The following HOOK3 variants were observed in gnomAD, a reference collection of about 807,000 sequenced individuals.
The protein encoded by HOOK3 is protein Hook homolog 3.
Under a neutral mutation model 116.3 loss-of-function variants are expected in HOOK3, and 24 were observed. The observed-to-expected ratio is 0.21, with a 90% CI of 0.15 to 0.29. The LOEUF is 0.29. HOOK3 is among the 10% of genes least tolerant of loss of function. The pLI is 1.00. For synonymous variants in HOOK3, 275 were observed against 283.0 expected (o/e 0.97, Z 0.28); for missense variants, 632 against 830.2 (o/e 0.76, Z 2.93).
In HOOK3 at chr8:42,973,289, G is replaced by A; in HGVS notation, c.1123G>A (p.Val375Ile). 6.2e-7 allele frequency: 1 copy of A among 1,606,572 alleles called. No individual in the cohort carries two copies. Among genetic ancestry groups the A allele is most frequent in the African/African-American group, 1.3e-5 (1 of 74,452 alleles). The change falls in exon 12 of 22, where the codon GTA becomes ATA. Residue 375 changes from valine to isoleucine, a missense_variant and splice_region_variant. Physicochemically the swap from Val to Ile is conservative, Grantham distance 29 (BLOSUM62 3). This residue lies in a region of HOOK3 where 483 missense variants were observed against 648.1 expected (regional missense o/e 0.75). Coordinates refer to ENST00000307602, the MANE Select transcript of HOOK3 (RefSeq NM_032410.4). ...RSQLETYKRQ[V>I]VELQNRLSEE... ...AAGTAATGGTATCTTTCTGTATCAGGTAGTAGAACTACAAAACAGATTATC... is the reference window on the plus strand; with the variant it reads ...AAGTAATGGTATCTTTCTGTATCAGATAGTAGAACTACAAAACAGATTATC...
At chr8:42,995,323 A>T (rs761622298) in intron 15 of HOOK3, among the ~76,000 whole-genome samples, 1 of 152,204 alleles carries the variant, frequency 6.6e-6, no homozygotes, top group Non-Finnish European at 1.5e-5. Context: ...TCTTACTAAG[A>T]TAACTGGTCA....
intron 16 of HOOK3, chr8:43,000,253 G>A: frequency 1.6e-6 from 2 of 1,284,032 alleles, no homozygotes; most frequent in South Asian, 2.5e-5. Context: ...CTGTCTCTTG[G>A]CATGGTTTCT....
intron 21 of HOOK3, among the ~76,000 whole-genome samples, chr8:43,017,355 C>T (rs538654566): frequency 6.6e-6 from 1 of 152,324 alleles, no homozygotes; most frequent in East Asian, 1.9e-4. Context: ...CAGCCTCAAC[C>T]TCCTGGGCTC....
intron 15 of HOOK3, among the ~76,000 whole-genome samples, chr8:42,989,677 G>C (rs1273205795): frequency 6.6e-6 from 1 of 151,874 alleles, no homozygotes; most frequent in Non-Finnish European, 1.5e-5. Flanking sequence ...ACTTTGTTGC[G>C]CTAGGAAATA....
At chr8:43,012,408 C>G (rs1809630932) in intron 19 of HOOK3, among the ~76,000 whole-genome samples, 1 of 152,090 alleles carries the variant, frequency 6.6e-6, no homozygotes, top group African/African-American at 2.4e-5. Flanking sequence ...TACGGGACCA[C>G]CATCATATAT....
chr8:42,965,160 A>G (rs1201143786), intron 9 of HOOK3, among the ~76,000 whole-genome samples: 11 of 152,252 alleles, frequency 7.2e-5, no homozygotes, highest in Admixed American at 7.2e-4. Flanking sequence ...TTCACTGAAA[A>G]TCTGAAATGA....
chr8:43,000,195 C>T lies in HOOK3; in HGVS notation c.1621-1912C>T, dbSNP rs924757021. 51 of 895,994 alleles carry T rather than the reference C, an allele frequency of 5.7e-5. 1 individual carries two copies. In the Middle Eastern group the frequency reaches 1.5e-3, roughly 26 times the overall value. The allele number at this position is 895,994 out of a possible 1,614,324, so 55.5% of individuals were successfully genotyped here. A position where few individuals can be genotyped will look rare whatever the true frequency, so the allele number is the denominator to read the frequency against. ...TACTTCTGTTCATGAATTACTAAAT[C>T]GTTGCTTCTCTTGGCTGCTGTGTTT... is the stretch of plus-strand genomic sequence containing the variant. On this transcript the variant is annotated intron_variant, in intron 16 of 21. Transcript: ENST00000307602.
At chr8:42,998,619 T>C (rs1158617075) in intron 16 of HOOK3, among the ~76,000 whole-genome samples, 2 of 151,932 alleles carry the variant, frequency 1.3e-5, no homozygotes, top group African/African-American at 4.8e-5. Context: ...ATACTAGATA[T>C]AGAAAGCTCA....
chr8:42,948,012 G>A (rs1176228690), intron 5 of HOOK3, among the ~76,000 whole-genome samples: 3 of 152,106 alleles, frequency 2.0e-5, no homozygotes, highest in African/African-American at 7.2e-5. Context: ...TCAAATTGGG[G>A]CAAATAAAAT....
intron 2 of HOOK3, among the ~76,000 whole-genome samples, chr8:42,924,597 T>C (rs1807726800): frequency 6.6e-6 from 1 of 152,188 alleles, no homozygotes. Context: ...TTGGTGACCT[T>C]TGAAGTATTA....
intron 1 of HOOK3, 69 bp from the exon 2 acceptor site, chr8:42,906,104 A>AC: frequency 1.2e-6 from 1 of 807,758 alleles, no homozygotes; most frequent in Non-Finnish European, 2.0e-6. Context: ...AAAAAAAAAA[A>AC]AGGCCTAAGA....
At position 43,013,349 on chromosome 8, in the gene HOOK3, G is replaced by A. The variant is rs760924905; in HGVS notation, c.1965G>A (p.Lys655=). 7 of 1,571,260 alleles carry A rather than the reference G, an allele frequency of 4.5e-6. No individual in the cohort carries two copies. The highest frequency in any genetic ancestry group is 1.4e-5 in the African/African-American group (1 of 72,134). The part of the protein sequence containing the change: ...HSLEKEYEKT[K]SQREMEEKYI... ...TTTAGAAAGAATATGAGAAAACAAA[G>A]AGTCAGAGAGAGATGGAAGAGAAAT... The change falls in exon 21 of 22, where the codon AAG becomes AAA. Residue 655 remains lysine, a synonymous_variant. Coordinates refer to ENST00000307602, the MANE Select transcript of HOOK3 (RefSeq NM_032410.4).
chr8:43,019,828 G>A lies in HOOK3; in HGVS notation c.*1330G>A. 4.9e-6 allele frequency: 1 copy of A among 203,922 alleles called. No individual in the cohort carries two copies. The highest frequency in any genetic ancestry group is 7.6e-5 in the East Asian group (1 of 13,076). 12.6% of individuals were successfully genotyped at this position (203,922 alleles called of 1,614,324 possible). The stretch of plus-strand genomic sequence containing the variant: ...AAATTATATTTAAGTCTTTTTTCTT[G>A]CAACGTAGCCCATTTTTTGAAAGCA... On this transcript the variant is annotated 3_prime_UTR_variant, in exon 22 of 22. Coordinates refer to ENST00000307602, the MANE Select transcript of HOOK3 (RefSeq NM_032410.4).
intron 11 of HOOK3, among the ~76,000 whole-genome samples, chr8:42,971,755 A>G (rs1220245539): frequency 6.6e-6 from 1 of 151,524 alleles, no homozygotes; most frequent in Non-Finnish European, 1.5e-5. Flanking sequence ...ATCTCAGCTC[A>G]CTGCAACCTC....
At chr8:42,982,773 G>T (rs868612041) in intron 14 of HOOK3, 77 bp downstream of exon 14, 2 of 934,766 alleles carry the variant, frequency 2.1e-6, no homozygotes. Context: ...ATATGAAGAA[G>T]ATAATTTCCT....
At chr8:42,959,392 A>G in intron 8 of HOOK3, 78 bp downstream of exon 8, 1 of 955,414 alleles carries the variant, frequency 1.0e-6, no homozygotes, top group Non-Finnish European at 1.7e-6. Flanking sequence ...GTACTGTCAT[A>G]CAGTACATCT....
intron 15 of HOOK3, among the ~76,000 whole-genome samples, chr8:42,988,894 T>C (rs1809100954): frequency 6.6e-6 from 1 of 152,184 alleles, no homozygotes; most frequent in Admixed American, 6.6e-5. Flanking sequence ...TTACCCTAAG[T>C]TTGTTCTTAC....
Position 42,950,443 on chromosome 8 carries a change from A to G in HOOK3, c.456A>G (p.Thr152=), listed in dbSNP as rs753356164. 8 of 1,608,476 alleles carry G rather than the reference A, an allele frequency of 5.0e-6. No homozygotes were observed. Among genetic ancestry groups the G allele is most frequent in the Non-Finnish European group, 6.8e-6 (8 of 1,175,450 alleles). Residue 152 remains threonine (T), a synonymous_variant, in exon 6 of 22, where the codon ACA becomes ACG. Coordinates refer to ENST00000307602, the MANE Select transcript of HOOK3 (RefSeq NM_032410.4). ...AATCTGTTCAACATGTTGTCATGAC[A>G]GCCATTCAAGAGGTATGTTGGAGCT... ...MEESVQHVVM[T]AIQELMSKES... is the part of the protein sequence containing the mutation.
Position 43,025,895 on chromosome 8 carries a change from C to T in HOOK3, c.*7397C>T. 4.8e-6 allele frequency: 1 copy of T among 209,194 alleles called. No homozygotes were observed. 13.0% of individuals were successfully genotyped at this position (209,194 alleles called of 1,614,324 possible). On this transcript the variant is annotated 3_prime_UTR_variant, in exon 22 of 22. Coordinates refer to ENST00000307602, the MANE Select transcript of HOOK3 (RefSeq NM_032410.4). ...TTTTTAAAGTATATTCAACATTGTGCCATTATTTACCTGATAAAGGTGAAA... is the reference window on the plus strand; with the variant it reads ...TTTTTAAAGTATATTCAACATTGTGTCATTATTTACCTGATAAAGGTGAAA...
Sources: allele counts gnomAD v4.1 joint callset (sites outside exome capture counted in the v4.1 genomes callset), GRCh38; gene constraint gnomAD v4.1.1; regional missense constraint gnomAD v4.1.1; transcripts MANE v1.5; gene names NCBI Gene and HGNC (gene_info 2026-07-23, HGNC 2026-07-21).